CNTLN: variants seen among roughly 807,000 people sequenced by gnomAD.
CNTLN encodes centlein, centrosomal protein.
CNTLN carries 212 observed loss-of-function variants against 180.0 expected under a neutral mutation model. The ratio of observed to expected loss-of-function variants is 1.18; its 90% CI spans 1.05 to 1.32. The LOEUF (loss-of-function observed/expected upper bound fraction) is 1.32. Ranked by LOEUF, CNTLN falls within the 40% of genes most tolerant of loss-of-function variation. The pLI is 0.00. For missense variants in CNTLN, 2,095 were observed against 1,610.9 expected (o/e 1.30, Z -5.14); for synonymous variants, 722 against 563.1 (o/e 1.28, Z -3.99).
chr9:17,521,163 C>A, the CNTLN span, among the ~76,000 whole-genome samples: 2 of 151,656 alleles, frequency 1.3e-5, no homozygotes, highest in African/African-American at 2.4e-5. Flanking sequence ...GTTAAAGATT[C>A]TGCATTATTT....
intron 12 of CNTLN, among the ~76,000 whole-genome samples, chr9:17,351,133 C>T (rs1822327248): frequency 6.6e-6 from 1 of 152,190 alleles, no homozygotes; most frequent in Non-Finnish European, 1.5e-5. Flanking sequence ...CTGGCACCAT[C>T]TCTTCTGGTT....
chr9:17,493,372 T>C (rs1833274279), intron 25 of CNTLN, among the ~76,000 whole-genome samples: 1 of 152,098 alleles, frequency 6.6e-6, no homozygotes, highest in African/African-American at 2.4e-5. Flanking sequence ...AGAGCCAAAA[T>C]AGTATAGTCA....
chr9:17,187,713 T>C (rs1587062270), intron 2 of CNTLN, among the ~76,000 whole-genome samples: 1 of 151,782 alleles, frequency 6.6e-6, no homozygotes, highest in East Asian at 1.9e-4. Context: ...TTTATTGTTA[T>C]GTTATTGTTT....
At chr9:17,375,332 A>G (rs544245434) in intron 13 of CNTLN, among the ~76,000 whole-genome samples, 65 of 152,350 alleles carry the variant, frequency 4.3e-4, no homozygotes, top group African/African-American at 1.4e-3. Context: ...GTTGGAAAGA[A>G]CAAATAAGAC....
chr9:17,506,783 T>C (rs1429944200), downstream of CNTLN, among the ~76,000 whole-genome samples: 1 of 152,128 alleles, frequency 6.6e-6, no homozygotes, highest in Non-Finnish European at 1.5e-5. Context: ...TATTGGCCTA[T>C]GTTCAGAAGA....
intron 21 of CNTLN, 55 bp downstream of exon 21, chr9:17,464,678 T>G (rs1306308527): frequency 9.1e-7 from 1 of 1,096,996 alleles, no homozygotes; most frequent in Non-Finnish European, 1.3e-6. Context: ...TTGTAATTAC[T>G]CTCTTACCAC....
chr9:17,497,925 T>A (rs1833544444), intron 25 of CNTLN, among the ~76,000 whole-genome samples: 1 of 152,192 alleles, frequency 6.6e-6, no homozygotes, highest in Admixed American at 6.5e-5. Flanking sequence ...TACCAAATGT[T>A]GCACCTTTAA....
At chr9:17,278,428 C>G (rs926700504) in intron 6 of CNTLN, among the ~76,000 whole-genome samples, 1 of 151,138 alleles carries the variant, frequency 6.6e-6, no homozygotes, top group African/African-American at 2.5e-5. Context: ...TTATGATGTT[C>G]AGTCTTCTTG....
Position 17,415,713 on chromosome 9 carries a change from A to G in CNTLN, c.2797-75A>G, listed in dbSNP as rs184826563. 15 of 935,862 alleles carry G rather than the reference A, an allele frequency of 1.6e-5. No homozygotes were observed. The African/African-American group carries it at 2.3e-4, about 14-fold the overall frequency. 58.0% of individuals were successfully genotyped at this position (935,862 alleles called of 1,614,324 possible). ...AAACAATTGTATTTTTTAAGTAAAGAGATGTTATTTATATCAGTTCACTTG... is the reference window on the plus strand; with the variant it reads ...AAACAATTGTATTTTTTAAGTAAAGGGATGTTATTTATATCAGTTCACTTG... On this transcript the variant is annotated intron_variant, in intron 16 of 25. Transcript: ENST00000380647.
chr9:17,472,613 T>G (rs1832093211), intron 23 of CNTLN, among the ~76,000 whole-genome samples: 1 of 152,092 alleles, frequency 6.6e-6, no homozygotes, highest in Non-Finnish European at 1.5e-5. Context: ...TGTGGGTGCT[T>G]TGTGTTACAC....
chr9:17,285,340 T>C (rs997375108), intron 6 of CNTLN, among the ~76,000 whole-genome samples: 6 of 149,704 alleles, frequency 4.0e-5, no homozygotes, highest in African/African-American at 9.8e-5. Flanking sequence ...GAACTCATCA[T>C]TTTTTATGGC....
At chr9:17,372,929 C>G (rs1178743681) in intron 13 of CNTLN, among the ~76,000 whole-genome samples, 1 of 152,166 alleles carries the variant, frequency 6.6e-6, no homozygotes. Context: ...ATTCAACATT[C>G]TTTCATGAGA....
chr9:17,217,376 T>C (rs1440310298), intron 2 of CNTLN, among the ~76,000 whole-genome samples: 2 of 152,252 alleles, frequency 1.3e-5, no homozygotes, highest in African/African-American at 4.8e-5. Context: ...GCAGCTTGCA[T>C]GTGTGCATAT....
intron 2 of CNTLN, among the ~76,000 whole-genome samples, chr9:17,179,566 A>G (rs1202913337): frequency 6.6e-6 from 1 of 152,152 alleles, no homozygotes; most frequent in African/African-American, 2.4e-5. Context: ...AAATTTGACA[A>G]GGTTTGTTTT....
intron 13 of CNTLN, among the ~76,000 whole-genome samples, chr9:17,387,456 A>C (rs1825767614): frequency 6.6e-6 from 1 of 152,158 alleles, no homozygotes; most frequent in South Asian, 2.1e-4. Flanking sequence ...TTTTGATTTT[A>C]GTATTAACTG....
chr9:17,155,822 C>G (rs114377308), intron 2 of CNTLN, among the ~76,000 whole-genome samples: 7 of 152,192 alleles, frequency 4.6e-5, no homozygotes, highest in Admixed American at 3.9e-4. Flanking sequence ...CGGTGTCTGC[C>G]CAATTGGCTG....
intron 18 of CNTLN, among the ~76,000 whole-genome samples, chr9:17,423,023 T>G (rs1254458762): frequency 6.6e-6 from 1 of 152,144 alleles, no homozygotes; most frequent in African/African-American, 2.4e-5. Context: ...TTCCCTGGAT[T>G]GCCAGACAGA....
At chr9:17,312,447 C>T (rs1241730929) in intron 8 of CNTLN, among the ~76,000 whole-genome samples, 4 of 145,974 alleles carry the variant, frequency 2.7e-5, no homozygotes, top group African/African-American at 5.0e-5. Context: ...AGTGCAGTGG[C>T]GCGATCTCGG....
intron 5 of CNTLN, among the ~76,000 whole-genome samples, chr9:17,260,725 G>T (rs996944700): frequency 2.6e-5 from 4 of 151,344 alleles, no homozygotes; most frequent in Non-Finnish European, 5.9e-5. Flanking sequence ...TTTTGTTGCA[G>T]TTGCTTTTGA....
Sources: gnomAD v4.1 joint callset for allele counts (sites outside exome capture counted in the v4.1 genomes callset) on GRCh38, gnomAD v4.1.1 for gene constraint, MANE v1.5 for transcripts, NCBI Gene and HGNC (gene_info 2026-07-23, HGNC 2026-07-21) for gene names.